Variants in CLEC9A observed in about 807,000 individuals in gnomAD.
CLEC9A encodes C-type lectin domain containing 9A, also known as C-type lectin domain family 9 member A.
A neutral mutation model predicts 30.0 loss-of-function variants in CLEC9A; 24 were observed. The ratio of observed to expected loss-of-function variants is 0.80; its 90% CI spans 0.58 to 1.13. The LOEUF is 1.13. Among genes scored for constraint, CLEC9A ranks in the 50% most tolerant of loss-of-function variants. CLEC9A has a pLI of 0.00. For synonymous variants in CLEC9A, 111 were observed against 96.8 expected, an observed-to-expected ratio of 1.15 and a Z score of -0.86; for missense variants, 251 against 280.9, an observed-to-expected ratio of 0.89 and a Z score of 0.76.
chr12:10,059,495 A>T (rs1282367394), intron 5 of CLEC9A, among the ~76,000 whole-genome samples: 2 of 152,254 alleles, frequency 1.3e-5, no homozygotes, highest in Non-Finnish European at 2.9e-5. Context: ...AAATCTTCAG[A>T]ATCTAAAGGT....
chr12:10,049,083 A>T lies in CLEC9A; in HGVS notation c.-162-2908A>T, dbSNP rs150154769. 4.5e-4 allele frequency among the ~76,000 whole-genome samples: 69 copies of T among 152,320 alleles called. 1 individual carries two copies. Among genetic ancestry groups the T allele is most frequent in the African/African-American group, 1.6e-3 (67 of 41,570 alleles). ...GGAATGAAAACATTAATATCCTGGT[A>T]CATCTTCATCGGAGCTCTAGAGTGA... is the stretch of plus-strand genomic sequence containing the variant. On this transcript the variant is annotated intron_variant, in intron 2 of 8. Coordinates refer to ENST00000355819, the MANE Select transcript of CLEC9A (RefSeq NM_207345.4).
At chr12:10,048,973 T>C (rs949128829) in intron 2 of CLEC9A, among the ~76,000 whole-genome samples, 1 of 152,244 alleles carries the variant, frequency 6.6e-6, no homozygotes, top group African/African-American at 2.4e-5. Flanking sequence ...GATAGCCTTA[T>C]GAAATTTATT....
chr12:10,046,519 C>A (rs1865847994), intron 2 of CLEC9A, among the ~76,000 whole-genome samples: 1 of 152,206 alleles, frequency 6.6e-6, no homozygotes, highest in Admixed American at 6.5e-5. Flanking sequence ...TTCCTAACAG[C>A]TCTATGCTTG....
chr12:10,054,431 A>G, intron 5 of CLEC9A, 80 bp downstream of exon 5: 1 of 918,920 alleles, frequency 1.1e-6, no homozygotes, highest in Non-Finnish European at 1.7e-6. Flanking sequence ...TGGAAAATCA[A>G]TTCATATGTG....
chr12:10,051,192 T>A (rs12422667), intron 2 of CLEC9A, among the ~76,000 whole-genome samples: 18 of 148,486 alleles, frequency 1.2e-4, no homozygotes, highest in Admixed American at 1.2e-3. Flanking sequence ...GCGACAAGAG[T>A]GAAACTCTGT....
chr12:10,032,740 T>C (rs888502528), intron 1 of CLEC9A, among the ~76,000 whole-genome samples: 11 of 152,232 alleles, frequency 7.2e-5, no homozygotes, highest in Middle Eastern at 6.8e-3. Flanking sequence ...GCTCTGGCAC[T>C]ATCAATTTCT....
chr12:10,060,066 A>G (rs181968151), intron 5 of CLEC9A, among the ~76,000 whole-genome samples: 1 of 152,384 alleles, frequency 6.6e-6, no homozygotes, highest in Non-Finnish European at 1.5e-5. Flanking sequence ...ATGCTTGTCA[A>G]GCTGCAGAGA....
intron 1 of CLEC9A, among the ~76,000 whole-genome samples, chr12:10,032,440 G>C (rs1194503576): frequency 7.3e-6 from 1 of 136,782 alleles, no homozygotes; most frequent in Non-Finnish European, 1.5e-5. Context: ...ACCCAGGCTG[G>C]ACTGCAGTGG....
chr12:10,053,579 A>C (rs1865914359), intron 4 of CLEC9A, among the ~76,000 whole-genome samples: 1 of 152,164 alleles, frequency 6.6e-6, no homozygotes, highest in Non-Finnish European at 1.5e-5. Context: ...CCTTAACTTA[A>C]TGACTTCTTC....
At chr12:10,039,713 G>A (rs1241692913) in intron 1 of CLEC9A, among the ~76,000 whole-genome samples, 2 of 152,182 alleles carry the variant, frequency 1.3e-5, no homozygotes, top group African/African-American at 2.4e-5. Flanking sequence ...CTGCGTAGCT[G>A]TTGCTTGTTT....
chr12:10,043,516 T>G (rs1252622324), intron 2 of CLEC9A, among the ~76,000 whole-genome samples: 1 of 152,022 alleles, frequency 6.6e-6, no homozygotes, highest in African/African-American at 2.4e-5. Flanking sequence ...TACCTTCCCC[T>G]CTCCCATTCT....
Position 10,054,350 on chromosome 12 carries a change from G to A in CLEC9A, c.171G>A (p.Lys57=). ...CAGCATCCATTTTCTTGGGCGTCAA[G>A]TGTAAGTACTAAAAGATATTTTCAA... The part of the protein sequence containing the change: ...LLTASIFLGV[K]LLQVSTIAMQ... Residue 57 remains lysine, a splice_region_variant and synonymous_variant, in exon 5 of 9, where the codon AAG becomes AAA. Coordinates refer to ENST00000355819, the MANE Select transcript of CLEC9A (RefSeq NM_207345.4). 2 of 1,596,240 alleles carry A rather than the reference G, an allele frequency of 1.3e-6. No homozygotes were observed. Among genetic ancestry groups the A allele is most frequent in the Non-Finnish European group, 8.6e-7 (1 of 1,165,350 alleles).
intron 2 of CLEC9A, among the ~76,000 whole-genome samples, chr12:10,051,219 A>ATGAATAAATAAAT (rs1865890256): frequency 6.6e-6 from 1 of 151,790 alleles, no homozygotes; most frequent in African/African-American, 2.4e-5. Context: ...AAAAAAAAAA[A>ATGAATAAATAAAT]TGAATAAATA....
rs1459709894 is a variant in CLEC9A at position 10,041,588 on chromosome 12, A to C, written c.-195A>C. ...GCAGTACTGCACTGACATGAAGGCT[A>C]CTCTCCTGAAGACTGACAACCAGAA... On this transcript the variant is annotated 5_prime_UTR_variant, in exon 2 of 9. Transcript: ENST00000355819. The C allele has an allele frequency of 1.9e-6, 1 of 523,118 alleles. No homozygotes were observed. The highest frequency in any genetic ancestry group is 1.9e-5 in the African/African-American group (1 of 51,414). 32.4% of individuals were successfully genotyped at this position (523,118 alleles called of 1,614,324 possible). A position where few individuals can be genotyped will look rare whatever the true frequency, so the allele number is the denominator to read the frequency against.
At chr12:10,052,862 T>C in intron 4 of CLEC9A, 84 bp downstream of exon 4, 1 of 1,458,780 alleles carries the variant, frequency 6.9e-7, no homozygotes, top group East Asian at 2.3e-5. Context: ...CCAAGATGTT[T>C]ATTCTAATCC....
intron 2 of CLEC9A, among the ~76,000 whole-genome samples, chr12:10,050,763 C>T (rs941234940): frequency 6.6e-6 from 1 of 152,140 alleles, no homozygotes; most frequent in Non-Finnish European, 1.5e-5. Flanking sequence ...GTGTTCCTAA[C>T]ATTAGTCTCA....
intron 5 of CLEC9A, among the ~76,000 whole-genome samples, chr12:10,055,110 T>C (rs1265435609): frequency 1.3e-5 from 2 of 152,232 alleles, no homozygotes; most frequent in Admixed American, 1.3e-4. Context: ...CATTTTCTGC[T>C]GGTTTTTAGA....
chr12:10,065,742 C>A lies in CLEC9A; in HGVS notation c.*110C>A. On this transcript the variant is annotated 3_prime_UTR_variant, in exon 9 of 9. Coordinates refer to ENST00000355819, the MANE Select transcript of CLEC9A (RefSeq NM_207345.4). ...CAGAACAGTAAACCAAAATGTGGGC[C>A]ATGAAATTAGCAACCTGGGACTCAA... The A allele has an allele frequency of 8.0e-7, 1 of 1,253,820 alleles. No individual in the cohort carries two copies. 77.7% of individuals were successfully genotyped at this position (1,253,820 alleles called of 1,614,324 possible). A position where few individuals can be genotyped will look rare whatever the true frequency, so the allele number is the denominator to read the frequency against.
chr12:10,054,205 A>G lies in CLEC9A; in HGVS notation c.92-66A>G. ...TCCTTCTTTTACTCAATCTCAATCT[A>G]TCCTTGCCCCGTCTTTTTTATCTGC... On this transcript the variant is annotated intron_variant, in intron 4 of 8. Transcript: ENST00000355819. 4 of 1,260,230 alleles carry G rather than the reference A, an allele frequency of 3.2e-6. No individual in the cohort carries two copies. In the South Asian group the frequency reaches 3.7e-5, roughly 12 times the overall value. 78.1% of individuals were successfully genotyped at this position (1,260,230 alleles called of 1,614,324 possible).
Sources: gnomAD v4.1 joint callset for allele counts (sites outside exome capture counted in the v4.1 genomes callset) on GRCh38, gnomAD v4.1.1 for gene constraint, MANE v1.5 for transcripts, NCBI Gene and HGNC (gene_info 2026-07-23, HGNC 2026-07-21) for gene names.